TBCD: variants seen among roughly 807,000 people sequenced by gnomAD.
The protein encoded by TBCD is tubulin folding cofactor D.
TBCD carries 105 observed loss-of-function variants against 169.3 expected under a neutral mutation model. The observed-to-expected ratio is 0.62, with a 90% confidence interval of 0.53 to 0.73. The LOEUF (loss-of-function observed/expected upper bound fraction) is 0.73, where lower values mean the gene tolerates loss of function less well. Ranked by LOEUF, TBCD falls within the 30% of genes least tolerant of loss-of-function variation. The pLI is 0.00. For synonymous variants in TBCD, 700 were observed against 643.9 expected (o/e 1.09, Z -1.32); for missense variants, 1,444 against 1,600.1 (o/e 0.90, Z 1.66).
Position 82,807,671 on chromosome 17 carries a change from A to T in TBCD, c.1148+3A>T. 1 of 1,508,716 alleles carries T rather than the reference A, an allele frequency of 6.6e-7. No homozygotes were observed. The highest frequency in any genetic ancestry group is 8.9e-7 in the Non-Finnish European group (1 of 1,123,726). The allele number at this position is 1,508,716 out of a possible 1,614,324, so 93.5% of individuals were successfully genotyped here. A position where few individuals can be genotyped will look rare whatever the true frequency, so the allele number is the denominator to read the frequency against. Reference sequence around the variant, plus strand: ...GTGCGGTGGTCTGCAGCCAAGGGGTAGGTGTCTGTGGCCGCAGAAGCACCC... The same window carrying T: ...GTGCGGTGGTCTGCAGCCAAGGGGTTGGTGTCTGTGGCCGCAGAAGCACCC... On this transcript the variant is annotated splice_donor_region_variant and intron_variant, in intron 11 of 38. Coordinates refer to ENST00000355528, the MANE Select transcript of TBCD (RefSeq NM_005993.5).
rs1044643898 is a variant in TBCD, at chr17:82,920,747, A to G, written c.2101+129A>G. 1.1e-6 allele frequency: 1 copy of G among 892,416 alleles called. No homozygotes were observed. Among genetic ancestry groups the G allele is most frequent in the African/African-American group, 1.7e-5 (1 of 58,746 alleles). The allele number at this position is 892,416 out of a possible 1,614,324, so 55.3% of individuals were successfully genotyped here. A position where few individuals can be genotyped will look rare whatever the true frequency, so the allele number is the denominator to read the frequency against. ...TAAAGGTTCAAGATATTAATCGGAT[A>G]CGTTGCCTTGAAGTTGTTACAAGAA... is the stretch of plus-strand genomic sequence containing the variant. On this transcript the variant is annotated intron_variant, in intron 24 of 38. Transcript: ENST00000355528. This position sits in a 1 kb window ranked among gnomAD's most constrained non-coding sequence, Gnocchi z 4.1.
intron 13 of TBCD, among the ~76,000 whole-genome samples, chr17:82,823,154 G>A (rs1043999512): frequency 6.6e-6 from 1 of 152,230 alleles, no homozygotes; most frequent in Non-Finnish European, 1.5e-5. Flanking sequence ...TCCCTCCCTG[G>A]TAGAGCCGTT....
At chr17:82,873,068 G>T (rs79299098) in intron 14 of TBCD, among the ~76,000 whole-genome samples, 6 of 152,028 alleles carry the variant, frequency 3.9e-5, no homozygotes, top group African/African-American at 1.5e-4. Flanking sequence ...CTGCCTCGTG[G>T]CTGAGAAGCT....
intron 15 of TBCD, among the ~76,000 whole-genome samples, chr17:82,888,611 A>G (rs1343166256): frequency 6.6e-6 from 1 of 152,160 alleles, no homozygotes; most frequent in Non-Finnish European, 1.5e-5. Context: ...AGCCCAGCCC[A>G]GGGGTCTGCC....
rs1463017179 is a variant in TBCD at position 82,797,789 on chromosome 17, CTGTT to C, written c.807_810del (p.Leu270ProfsTer28). On this transcript the variant is annotated frameshift_variant, in exon 8 of 39. Transcript: ENST00000355528. LOFTEE classifies it high-confidence loss of function. ...TATTTAAACATGGAAAACGTGAAGA[CTGTT>C]TGCCCTATGGTAAGGTTTATTTTTA... 1 of 1,562,342 alleles carries C rather than the reference CTGTT, an allele frequency of 6.4e-7. No individual in the cohort carries two copies. Among genetic ancestry groups the C allele is most frequent in the African/African-American group, 1.4e-5 (1 of 71,416 alleles).
intron 13 of TBCD, among the ~76,000 whole-genome samples, chr17:82,853,402 C>CT (rs11439499): frequency 0.02 from 2,719 of 139,418 alleles, 98 homozygotes; most frequent in African/African-American, 0.067. Flanking sequence ...ACCCCCCCTC[C>CT]TTTTTTTTTT....
rs995775752 is a variant in TBCD, at chr17:82,860,365, C to T, written c.1319-9859C>T. ...TTTCGCAGTGGTGGAGGGGCAGGAACTGACTGGCTCTTTTCCCTGTGGTGG... is the reference window on the plus strand; with the variant it reads ...TTTCGCAGTGGTGGAGGGGCAGGAATTGACTGGCTCTTTTCCCTGTGGTGG... On this transcript the variant is annotated intron_variant, in intron 13 of 38. Transcript: ENST00000355528. 2.9e-4 allele frequency: 290 copies of T among 985,394 alleles called. 2 individuals are homozygous for T. The African/African-American group carries it at 4.8e-3, about 16-fold the overall frequency. The allele number at this position is 985,394 out of a possible 1,614,324, so 61.0% of individuals were successfully genotyped here. A position where few individuals can be genotyped will look rare whatever the true frequency, so the allele number is the denominator to read the frequency against.
chr17:82,929,545 G>C lies in TBCD; in HGVS notation c.2991+45G>C, dbSNP rs763412921. On this transcript the variant is annotated intron_variant, in intron 32 of 38. Transcript: ENST00000355528. The stretch of plus-strand genomic sequence containing the variant: ...GCTGGGGCAGGAGGTGGCTCCAGGA[G>C]TGCCTGGTGCTTCCCTGTCTCTTGG... The C allele has an allele frequency of 6.3e-6, 10 of 1,597,802 alleles. No homozygotes were observed. In the African/African-American group the frequency reaches 1.2e-4, roughly 19 times the overall value.
Position 82,768,487 on chromosome 17 carries a change from C to G in TBCD, c.503C>G (p.Ser168Cys), listed in dbSNP as rs1317888785. Residue 168 changes from serine (S) to cysteine (C), a missense_variant, in exon 5 of 39, where the codon TCT becomes TGT. Transcript: ENST00000355528. ...ACCTGCCTGATCCCTTTTGATTTTT[C>G]TCGCCTTGACGGGAACCTCCTCACC... The part of the protein sequence containing the change: ...SVTCLIPFDF[S>C]RLDGNLLTQP... 6.2e-7 allele frequency: 1 copy of G among 1,613,878 alleles called. No individual in the cohort carries two copies.
Position 82,870,211 on chromosome 17 carries a change from T to G in TBCD, c.1319-13T>G, listed in dbSNP as rs747098098. 1 of 1,612,634 alleles carries G rather than the reference T, an allele frequency of 6.2e-7. No individual in the cohort carries two copies. Among genetic ancestry groups the G allele is most frequent in the Admixed American group, 1.7e-5 (1 of 60,028 alleles). ...GTCTGCTCCTCACCGTCTTTTCTCT[T>G]GTCCTTGCCCAGTTGTCGCCGTGAT... is the stretch of plus-strand genomic sequence containing the variant. On this transcript the variant is annotated splice_polypyrimidine_tract_variant and intron_variant, in intron 13 of 38. Transcript: ENST00000355528.
At chr17:82,887,171 G>GCGCGCGCGCA (rs1224998280) in intron 15 of TBCD, among the ~76,000 whole-genome samples, 10 of 66,374 alleles carry the variant, frequency 1.5e-4, no homozygotes, top group African/African-American at 6.8e-4. Flanking sequence ...GTGTGTGTGC[G>GCGCGCGCGCA]CGCGCGCGCA....
chr17:82,938,070 C>A lies in TBCD; in HGVS notation c.3303C>A (p.Phe1101Leu), dbSNP rs1203890938. 1 of 1,612,950 alleles carries A rather than the reference C, an allele frequency of 6.2e-7. No individual in the cohort carries two copies. Among genetic ancestry groups the A allele is most frequent in the Non-Finnish European group, 8.5e-7 (1 of 1,179,796 alleles). The change falls in exon 36 of 39, where the codon TTC becomes TTA. Residue 1101 changes from phenylalanine (F) to leucine (L), a missense_variant. Transcript: ENST00000355528. ...GCAGGTTCTGCGAGATGGTGCAGTT[C>A]CCCGGCGACGTGAGGAGGCAGGCCC... ...GIAVFCEMVQFPGDVRRQALL... is the reference protein window; with the variant it reads ...GIAVFCEMVQLPGDVRRQALL...
At chr17:82,784,389 T>G (rs1040778517) in intron 7 of TBCD, among the ~76,000 whole-genome samples, 5 of 152,074 alleles carry the variant, frequency 3.3e-5, no homozygotes, top group African/African-American at 4.8e-5. Context: ...GGCAGCATCC[T>G]CAATGCCTAA....
chr17:82,752,200 C>T lies in TBCD; in HGVS notation c.7C>T (p.Leu3=), dbSNP rs1229949623. The change falls in exon 1 of 39, where the codon CTG becomes TTG. Residue 3 remains leucine (L), a synonymous_variant. Transcript: ENST00000355528. MA[L]SDEPAAGGPE... Reference sequence around the variant, plus strand: ...CGGTCCCCAGGCTGCCGAGATGGCCCTGAGCGACGAACCGGCCGCGGGCGG... The same window carrying T: ...CGGTCCCCAGGCTGCCGAGATGGCCTTGAGCGACGAACCGGCCGCGGGCGG... 1 of 1,522,034 alleles carries T rather than the reference C, an allele frequency of 6.6e-7. No individual in the cohort carries two copies. Among genetic ancestry groups the T allele is most frequent in the African/African-American group, 1.4e-5 (1 of 69,624 alleles). 94.3% of individuals were successfully genotyped at this position (1,522,034 alleles called of 1,614,324 possible).
chr17:82,787,212 G>A (rs1865389443), intron 7 of TBCD, among the ~76,000 whole-genome samples: 1 of 152,210 alleles, frequency 6.6e-6, no homozygotes, highest in South Asian at 2.1e-4. Context: ...GCCGTTTAGG[G>A]CAGAGCACCC....
chr17:82,928,103 C>T, intron 30 of TBCD, 115 bp downstream of exon 30: 1 of 900,796 alleles, frequency 1.1e-6, no homozygotes, highest in Non-Finnish European at 1.7e-6. Context: ...GGCACACACC[C>T]TCCTCCCAGA....
Position 82,923,702 on chromosome 17 carries a change from G to T in TBCD, c.2229G>T (p.Lys743Asn). Residue 743 changes from lysine (K) to asparagine (N), a missense_variant, in exon 26 of 39, where the codon AAG becomes AAT. By Grantham distance (94) the Lys-to-Asn change is moderately conservative. Transcript: ENST00000355528. The surrounding 1 kb of genome is among the most constrained non-coding windows in gnomAD (Gnocchi z 4.6). ...LAALCSEYYM[K>N]EPGEADPAIQ... ...CTCTATGCAGTGAATATTACATGAA[G>T]GAGCCGGGGGAGGCAGATCCCGCAA... 1 of 1,599,260 alleles carries T rather than the reference G, an allele frequency of 6.3e-7. No individual in the cohort carries two copies. The highest frequency in any genetic ancestry group is 8.5e-7 in the Non-Finnish European group (1 of 1,173,068).
rs1282053398 is a variant in TBCD at position 82,942,646 on chromosome 17, G to A, written c.*183G>A. Reference sequence around the variant, plus strand: ...CACCTGCGCTCTGGTGACTTGGGGTGGACGCCTCTGCCTTCACTTGAACAC... The same window carrying A: ...CACCTGCGCTCTGGTGACTTGGGGTAGACGCCTCTGCCTTCACTTGAACAC... On this transcript the variant is annotated 3_prime_UTR_variant, in exon 39 of 39. Coordinates refer to ENST00000355528, the MANE Select transcript of TBCD (RefSeq NM_005993.5). 1 of 693,390 alleles carries A rather than the reference G, an allele frequency of 1.4e-6. No homozygotes were observed. Among genetic ancestry groups the A allele is most frequent in the Non-Finnish European group, 2.5e-6 (1 of 403,174 alleles). 43.0% of individuals were successfully genotyped at this position (693,390 alleles called of 1,614,324 possible).
Position 82,831,420 on chromosome 17 carries a change from C to G in TBCD, c.1318+16486C>G. 1 of 1,614,138 alleles carries G rather than the reference C, an allele frequency of 6.2e-7. No individual in the cohort carries two copies. The highest frequency in any genetic ancestry group is 8.5e-7 in the Non-Finnish European group (1 of 1,180,018). ...TGGCTTCTTCAAGCAGGTGAGAGCT[C>G]TGATCTCGGGTGAGGCCAGTGACAG... On this transcript the variant is annotated intron_variant, in intron 13 of 38. Coordinates refer to ENST00000355528, the MANE Select transcript of TBCD (RefSeq NM_005993.5). The surrounding 1 kb of genome is among the most constrained non-coding windows in gnomAD (Gnocchi z 4.6).
Sources: allele counts gnomAD v4.1 joint callset (sites outside exome capture counted in the v4.1 genomes callset), GRCh38; gene constraint gnomAD v4.1.1; non-coding constraint Gnocchi (gnomAD v3.1); transcripts MANE v1.5; gene names NCBI Gene and HGNC (gene_info 2026-07-23, HGNC 2026-07-21).